Variants in MACROD2 observed in about 807,000 individuals in gnomAD.
MACROD2 encodes ADP-ribose glycohydrolase MACROD2.
A neutral mutation model predicts 70.4 loss-of-function variants in MACROD2; 36 were observed. The ratio of observed to expected loss-of-function variants is 0.51; its 90% CI spans 0.39 to 0.68. MACROD2 has a LOEUF of 0.68. Ranked by LOEUF, MACROD2 falls within the 30% of genes least tolerant of loss-of-function variation. The pLI is 0.00. For missense variants in MACROD2, 496 were observed against 538.4 expected, an observed-to-expected ratio of 0.92 and a Z score of 0.78; for synonymous variants, 172 against 178.8, an observed-to-expected ratio of 0.96 and a Z score of 0.30.
intron 5 of MACROD2, among the ~76,000 whole-genome samples, chr20:14,819,889 A>C (rs7265620): frequency 0.024 from 3,711 of 152,144 alleles, 158 homozygotes; most frequent in African/African-American, 0.085. Context: ...GCCCTGTGAA[A>C]GATGCAGCAG....
At chr20:15,920,580 T>C (rs2065388979) in intron 10 of MACROD2, among the ~76,000 whole-genome samples, 1 of 152,196 alleles carries the variant, frequency 6.6e-6, no homozygotes, top group African/African-American at 2.4e-5. Context: ...TTTCTCATGG[T>C]CACTGTAAGC....
intron 6 of MACROD2, among the ~76,000 whole-genome samples, chr20:15,253,130 A>G (rs990678481): frequency 6.6e-6 from 1 of 152,194 alleles, no homozygotes; most frequent in Non-Finnish European, 1.5e-5. Context: ...TGATAAGCCA[A>G]GTGTGTTCAG....
At chr20:15,363,445 A>C (rs1317610953) in intron 6 of MACROD2, among the ~76,000 whole-genome samples, 1 of 152,252 alleles carries the variant, frequency 6.6e-6, no homozygotes, top group African/African-American at 2.4e-5. Flanking sequence ...CACCATGGCA[A>C]TATATTGCTT....
intron 3 of MACROD2, among the ~76,000 whole-genome samples, chr20:14,322,407 CTTT>C (rs201800951): frequency 2.2e-5 from 3 of 134,404 alleles, no homozygotes; most frequent in Admixed American, 7.6e-5. Flanking sequence ...AATATAATCT[CTTT>C]TTTTTTTTTT....
chr20:15,523,631 G>A (rs575487002), intron 8 of MACROD2, among the ~76,000 whole-genome samples: 13 of 152,268 alleles, frequency 8.5e-5, no homozygotes, highest in African/African-American at 3.1e-4. Flanking sequence ...ATTTTGATGA[G>A]TCACCAATAA....
intron 3 of MACROD2, among the ~76,000 whole-genome samples, chr20:14,425,871 T>G (rs183888687): frequency 3.8e-4 from 58 of 152,332 alleles, no homozygotes; most frequent in Non-Finnish European, 7.8e-4. Context: ...AATGCTACTT[T>G]GCAACTAAAT....
chr20:15,328,221 A>G (rs897605371), intron 6 of MACROD2, among the ~76,000 whole-genome samples: 1 of 151,928 alleles, frequency 6.6e-6, no homozygotes, highest in Non-Finnish European at 1.5e-5. Context: ...TGGCAAGAGC[A>G]TTCCAGGAAG....
chr20:14,655,685 T>G (rs1473614894), intron 4 of MACROD2, among the ~76,000 whole-genome samples: 1 of 152,212 alleles, frequency 6.6e-6, no homozygotes, highest in African/African-American at 2.4e-5. Context: ...CATTTCTATG[T>G]GTCTCCTTTC....
intron 3 of MACROD2, among the ~76,000 whole-genome samples, chr20:14,457,118 A>G (rs145308990): frequency 1.1e-4 from 16 of 152,184 alleles, no homozygotes; most frequent in Non-Finnish European, 2.1e-4. Flanking sequence ...AGGTATCATT[A>G]TAGCATCAGA....
intron 6 of MACROD2, among the ~76,000 whole-genome samples, chr20:15,375,680 A>C (rs1300417659): frequency 1.3e-5 from 2 of 152,154 alleles, no homozygotes; most frequent in African/African-American, 4.8e-5. Flanking sequence ...TAAAAGAAAA[A>C]AAATCTGACT....
intron 5 of MACROD2, among the ~76,000 whole-genome samples, chr20:15,005,671 T>C (rs532246919): frequency 6.6e-6 from 1 of 152,272 alleles, no homozygotes; most frequent in East Asian, 1.9e-4. Flanking sequence ...AATTTACCCA[T>C]GGACCCCTCC....
intron 8 of MACROD2, among the ~76,000 whole-genome samples, chr20:15,842,035 A>T (rs1458978234): frequency 7.2e-5 from 11 of 152,110 alleles, no homozygotes; most frequent in Non-Finnish European, 1.6e-4. Flanking sequence ...TTGAAAAGAC[A>T]CTAGACACTA....
chr20:14,515,231 G>GA (rs1265381681), intron 4 of MACROD2, among the ~76,000 whole-genome samples: 2 of 151,816 alleles, frequency 1.3e-5, no homozygotes, highest in Non-Finnish European at 1.5e-5. Flanking sequence ...TGCAAAAATC[G>GA]AAAAAAATCC....
Position 15,122,542 on chromosome 20 carries a change from A to G in MACROD2, c.419-107398A>G, listed in dbSNP as rs543624948. 6.9e-4 allele frequency among the ~76,000 whole-genome samples: 105 copies of G among 152,332 alleles called. No homozygotes were observed. In the Middle Eastern group the frequency reaches 0.01, roughly 15 times the overall value. Reference sequence around the variant, plus strand: ...TTATTTGATTAAATAGCATTGGAGGATAGAAATAACTGTTTTGTTTTATTT... The same window carrying G: ...TTATTTGATTAAATAGCATTGGAGGGTAGAAATAACTGTTTTGTTTTATTT... On this transcript the variant is annotated intron_variant, in intron 5 of 17. Transcript: ENST00000684519.
intron 2 of MACROD2, among the ~76,000 whole-genome samples, chr20:14,060,437 T>A (rs1381436063): frequency 6.6e-6 from 1 of 152,164 alleles, no homozygotes; most frequent in African/African-American, 2.4e-5. Context: ...TTTTTAAGGC[T>A]TCCATTAAGA....
At chr20:15,965,163 G>A (rs918667059) in intron 12 of MACROD2, among the ~76,000 whole-genome samples, 1 of 152,122 alleles carries the variant, frequency 6.6e-6, no homozygotes. Context: ...TAAAATAATA[G>A]TGCAAAGAAC....
chr20:15,001,833 C>A (rs1444249175), intron 5 of MACROD2, among the ~76,000 whole-genome samples: 1 of 151,902 alleles, frequency 6.6e-6, no homozygotes, highest in Non-Finnish European at 1.5e-5. Context: ...ACACTCAACA[C>A]AATTTGTAGT....
At chr20:15,353,883 C>G (rs1296708877) in intron 6 of MACROD2, among the ~76,000 whole-genome samples, 1 of 118,666 alleles carries the variant, frequency 8.4e-6, no homozygotes, top group East Asian at 2.8e-4. Flanking sequence ...GAAATAGGAA[C>G]ACTTTTACAC....
At chr20:14,338,836 T>C (rs1027474247) in intron 3 of MACROD2, among the ~76,000 whole-genome samples, 1 of 152,222 alleles carries the variant, frequency 6.6e-6, no homozygotes, top group African/African-American at 2.4e-5. Flanking sequence ...TTTTGTAGAC[T>C]GGTTTCTGCT....
Sources: gnomAD v4.1 joint callset for allele counts (sites outside exome capture counted in the v4.1 genomes callset) on GRCh38, gnomAD v4.1.1 for gene constraint, MANE v1.5 for transcripts, NCBI Gene and HGNC (gene_info 2026-07-23, HGNC 2026-07-21) for gene names.